The following SNRPA variants were observed in gnomAD, a reference collection of about 807,000 sequenced individuals.
SNRPA encodes the protein U1 small nuclear ribonucleoprotein A.
SNRPA carries 10 observed loss-of-function variants against 24.5 expected under a neutral mutation model. The ratio of observed to expected loss-of-function variants is 0.41; its 90% CI spans 0.25 to 0.69. The LOEUF (loss-of-function observed/expected upper bound fraction) is 0.69. Among genes scored for constraint, SNRPA ranks in the 30% least tolerant of loss-of-function variants. The pLI is 0.33. For synonymous variants in SNRPA, 165 were observed against 148.4 expected, an observed-to-expected ratio of 1.11 and a Z score of -0.81; for missense variants, 283 against 394.7, an observed-to-expected ratio of 0.72 and a Z score of 2.40.
chr19:40,753,394 T>TTG (rs1568483774), intron 1 of SNRPA, among the ~76,000 whole-genome samples: 6 of 101,858 alleles, frequency 5.9e-5, no homozygotes, highest in Non-Finnish European at 1.2e-4. Context: ...GTTTTTTTTT[T>TTG]TTTTTTTTTT....
intron 2 of SNRPA, 96 bp from the exon 3 acceptor site, chr19:40,759,335 C>A: frequency 1.6e-6 from 2 of 1,215,532 alleles, no homozygotes; most frequent in Non-Finnish European, 2.3e-6. Flanking sequence ...CAGGCATGAG[C>A]CGCAGCACCT....
At chr19:40,761,066 ATCT>A (rs1221946556) in intron 3 of SNRPA, among the ~76,000 whole-genome samples, 2 of 149,238 alleles carry the variant, frequency 1.3e-5, no homozygotes, top group Non-Finnish European at 3.0e-5. Context: ...AGTTCAAGTG[ATCT>A]TCTGCCTCAG....
At chr19:40,753,371 A>G (rs1316871513) in intron 1 of SNRPA, among the ~76,000 whole-genome samples, 1 of 135,096 alleles carries the variant, frequency 7.4e-6, no homozygotes, top group African/African-American at 2.7e-5. Context: ...TCAGGAGTGT[A>G]AATTTTGCAT....
chr19:40,754,790 G>A lies in SNRPA; in HGVS notation c.74-2542G>A, dbSNP rs116399568. ...GGGAGCCAGACTGCTTCCCTGTCCTGGCTGCCTCCCTGGTGGAATATCCTC... is the reference window on the plus strand; with the variant it reads ...GGGAGCCAGACTGCTTCCCTGTCCTAGCTGCCTCCCTGGTGGAATATCCTC... On this transcript the variant is annotated intron_variant, in intron 1 of 5. Transcript: ENST00000243563. 5.5e-3 allele frequency among the ~76,000 whole-genome samples: 842 copies of A among 152,208 alleles called. 7 individuals are homozygous for A. The highest frequency in any genetic ancestry group is 0.02 in the African/African-American group (821 of 41,520).
intron 1 of SNRPA, among the ~76,000 whole-genome samples, chr19:40,755,818 G>T (rs1270567274): frequency 2.6e-5 from 4 of 152,196 alleles, no homozygotes; most frequent in Non-Finnish European, 4.4e-5. Context: ...ACCGGGTTCA[G>T]ATGGAATACG....
chr19:40,752,465 G>A (rs1426592745), intron 1 of SNRPA, among the ~76,000 whole-genome samples: 2 of 151,552 alleles, frequency 1.3e-5, no homozygotes, highest in East Asian at 1.9e-4. Flanking sequence ...ATTTTTGGCC[G>A]GGCGTGGTGG....
At chr19:40,751,996 A>C (rs1055300380) in intron 1 of SNRPA, among the ~76,000 whole-genome samples, 2 of 152,176 alleles carry the variant, frequency 1.3e-5, no homozygotes, top group Non-Finnish European at 2.9e-5. Context: ...TAATTCTCAC[A>C]ACAATCTTGT....
intron 1 of SNRPA, among the ~76,000 whole-genome samples, chr19:40,753,927 G>A (rs941494445): frequency 1.3e-5 from 2 of 151,112 alleles, no homozygotes; most frequent in Non-Finnish European, 2.9e-5. Context: ...TCAGCCTCCC[G>A]AGTAGCTGGG....
Position 40,751,430 on chromosome 19 carries a change from C to G in SNRPA, c.22C>G (p.Pro8Ala), listed in dbSNP as rs546755498. The G allele has an allele frequency of 1.2e-6, 2 of 1,613,598 alleles. No homozygotes were observed. Among genetic ancestry groups the G allele is most frequent in the South Asian group, 2.2e-5 (2 of 91,060 alleles). The change falls in exon 1 of 6, where the codon CCT (proline) becomes GCT (alanine). Residue 8 changes from proline (P) to alanine (A), a missense_variant. This residue lies in a region of SNRPA where 32 missense variants were observed against 26.8 expected (regional missense o/e 1.19). Coordinates refer to ENST00000243563, the MANE Select transcript of SNRPA (RefSeq NM_004596.5). ...CTCCATGGCAGTTCCCGAGACCCGC[C>G]CTAACCACACTATTTATATCAACAA... Reference protein sequence around the residue: MAVPETRPNHTIYINNLN... With the variant: MAVPETRANHTIYINNLN...
At chr19:40,763,217 G>A (rs530390156) in intron 4 of SNRPA, 143 bp downstream of exon 4, 29 of 641,560 alleles carry the variant, frequency 4.5e-5, no homozygotes, top group African/African-American at 4.0e-4. Flanking sequence ...AAGTAGCAGT[G>A]GGGGTGGGCC....
At chr19:40,756,294 G>A (rs1205673411) in intron 1 of SNRPA, among the ~76,000 whole-genome samples, 1 of 151,028 alleles carries the variant, frequency 6.6e-6, no homozygotes, top group Admixed American at 6.6e-5. Flanking sequence ...GCACTTGATG[G>A]TATCTAGTCA....
At chr19:40,757,192 T>A in intron 1 of SNRPA, 140 bp from the exon 2 acceptor site, 2 of 730,174 alleles carry the variant, frequency 2.7e-6, no homozygotes, top group South Asian at 1.8e-5. Flanking sequence ...GGTTCCTGGC[T>A]GCTTCTGTGA....
chr19:40,755,257 C>CTTTTTTTTTTTTTTTTTTT (rs1004235207), intron 1 of SNRPA, among the ~76,000 whole-genome samples: 11 of 82,574 alleles, frequency 1.3e-4, no homozygotes, highest in Non-Finnish European at 1.6e-4. Context: ...TTTTTCTTTT[C>CTTTTTTTTTTTTTTTTTTT]TTTTTTTTTT....
Position 40,765,171 on chromosome 19 carries a change from C to A in SNRPA, c.*4C>A, listed in dbSNP as rs1568486515. ...GATCTCCTTTGCCAAGAAGTAGCAC[C>A]TTTTCCCCCCATGCCTGCCCCTTCC... On this transcript the variant is annotated 3_prime_UTR_variant, in exon 6 of 6. Transcript: ENST00000243563. The A allele has an allele frequency of 1.3e-6, 2 of 1,522,724 alleles. No individual in the cohort carries two copies. The highest frequency in any genetic ancestry group is 1.4e-5 in the African/African-American group (1 of 71,168). The allele number at this position is 1,522,724 out of a possible 1,614,324, so 94.3% of individuals were successfully genotyped here.
intron 3 of SNRPA, among the ~76,000 whole-genome samples, chr19:40,762,131 T>C (rs1220274692): frequency 6.6e-6 from 1 of 152,170 alleles, no homozygotes; most frequent in Non-Finnish European, 1.5e-5. Context: ...CTGCCTGCCA[T>C]CTGTTGTCTT....
At chr19:40,757,045 A>T in intron 1 of SNRPA, 1 of 357,898 alleles carries the variant, frequency 2.8e-6, no homozygotes, top group Non-Finnish European at 5.2e-6. Context: ...GAAAAGAATC[A>T]CTCATTTATC....
chr19:40,754,466 C>T (rs1054040834), intron 1 of SNRPA, among the ~76,000 whole-genome samples: 1 of 152,036 alleles, frequency 6.6e-6, no homozygotes, highest in African/African-American at 2.4e-5. Flanking sequence ...GAAGCTTAGG[C>T]AGAGTGTTGA....
At chr19:40,763,331 T>C in intron 4 of SNRPA, 1 of 594,688 alleles carries the variant, frequency 1.7e-6, no homozygotes, top group Non-Finnish European at 3.0e-6. Context: ...GAGCGCCTCC[T>C]TACGTGCCAG....
intron 3 of SNRPA, among the ~76,000 whole-genome samples, chr19:40,761,016 C>T (rs957286678): frequency 7.9e-5 from 12 of 151,678 alleles, no homozygotes; most frequent in Admixed American, 2.6e-4. Context: ...GGCTGGAATG[C>T]AGTCGTGCAA....
Sources: allele counts gnomAD v4.1 joint callset (sites outside exome capture counted in the v4.1 genomes callset), GRCh38; gene constraint gnomAD v4.1.1; regional missense constraint gnomAD v4.1.1; transcripts MANE v1.5; gene names NCBI Gene and HGNC (gene_info 2026-07-23, HGNC 2026-07-21).